Variants in PPP1R7 observed in about 807,000 individuals in gnomAD.
PPP1R7 encodes the protein protein phosphatase 1 regulatory subunit 22.
In PPP1R7, 18 loss-of-function variants were observed where a neutral mutation model predicts 45.2. The observed-to-expected ratio is 0.40, with a 90% confidence interval of 0.28 to 0.59. The LOEUF (loss-of-function observed/expected upper bound fraction) is 0.59, where lower values mean the gene tolerates loss of function less well. Among genes scored for constraint, PPP1R7 ranks in the 20% least tolerant of loss-of-function variants. PPP1R7 has a pLI of 0.46. For synonymous variants in PPP1R7, 181 were observed against 183.4 expected, an observed-to-expected ratio of 0.99 and a Z score of 0.11; for missense variants, 314 against 455.8, an observed-to-expected ratio of 0.69 and a Z score of 2.83.
chr2:241,164,044 G>A (rs1307123383), intron 7 of PPP1R7, among the ~76,000 whole-genome samples: 1 of 152,076 alleles, frequency 6.6e-6, no homozygotes, highest in Non-Finnish European at 1.5e-5. Context: ...AGCCTCCCAA[G>A]TAGCTGGGAC....
rs957421693 is a variant in PPP1R7, at chr2:241,167,292, G to A, written c.819+851G>A. On this transcript the variant is annotated intron_variant, in intron 8 of 9. Coordinates refer to ENST00000234038, the MANE Select transcript of PPP1R7 (RefSeq NM_002712.3). ...GTGCCTCAACCCCAGGGCCTAGTTG[G>A]CAGCAGTAAATTTCACCAACACCTG... The A allele has an allele frequency of 2.7e-5, 11 of 410,650 alleles. No homozygotes were observed. The South Asian group carries it at 1.2e-3, about 46-fold the overall frequency. The allele number at this position is 410,650 out of a possible 1,614,324, so 25.4% of individuals were successfully genotyped here. A position where few individuals can be genotyped will look rare whatever the true frequency, so the allele number is the denominator to read the frequency against.
At chr2:241,150,452 G>T, upstream of PPP1R7, 1 of 1,540,116 alleles carries the variant, frequency 6.5e-7, no homozygotes, top group Non-Finnish European at 8.7e-7. Flanking sequence ...GATTGGCTGA[G>T]GGGTCTGAGG....
At chr2:241,178,642 A>G (rs1411970660) in intron 9 of PPP1R7, among the ~76,000 whole-genome samples, 1 of 71,958 alleles carries the variant, frequency 1.4e-5, no homozygotes, top group Admixed American at 1.6e-4. Context: ...TTTTTTTTTT[A>G]GACGGAGTCT....
chr2:241,158,401 C>A, intron 3 of PPP1R7, 83 bp from the exon 4 acceptor site: 1 of 1,362,430 alleles, frequency 7.3e-7, no homozygotes, highest in Non-Finnish European at 1.0e-6. Context: ...CACTGCTGCC[C>A]ACTTCCAGGC....
upstream of PPP1R7, chr2:241,149,664 C>G (rs1357364600): frequency 1.9e-6 from 3 of 1,544,848 alleles, no homozygotes; most frequent in Admixed American, 1.9e-5. Context: ...CCTCCGCCCC[C>G]GGGCCGGGCA....
intron 9 of PPP1R7, 74 bp from the exon 10 acceptor site, chr2:241,182,573 G>A: frequency 6.4e-7 from 1 of 1,554,148 alleles, no homozygotes. Flanking sequence ...GGAGGAGGGT[G>A]GCTAGTGGAC....
At chr2:241,174,650 A>G (rs1324570083) in intron 9 of PPP1R7, among the ~76,000 whole-genome samples, 1 of 151,966 alleles carries the variant, frequency 6.6e-6, no homozygotes, top group African/African-American at 2.4e-5. Flanking sequence ...CTGATGTATA[A>G]AAACAATTAT....
intron 1 of PPP1R7, 84 bp downstream of exon 1, chr2:241,150,631 ACT>A: frequency 7.1e-7 from 1 of 1,402,538 alleles, no homozygotes; most frequent in Non-Finnish European, 9.3e-7. Context: ...CCTGAGAGAA[ACT>A]CCACGTCCTG....
chr2:241,162,848 A>T (rs1234654556), intron 6 of PPP1R7, among the ~76,000 whole-genome samples: 1 of 151,902 alleles, frequency 6.6e-6, no homozygotes, highest in Non-Finnish European at 1.5e-5. Flanking sequence ...ACGCCCAGCT[A>T]ATTTTTTTGT....
At chr2:241,170,236 A>C (rs2067789953) in intron 9 of PPP1R7, among the ~76,000 whole-genome samples, 1 of 152,216 alleles carries the variant, frequency 6.6e-6, no homozygotes, top group Non-Finnish European at 1.5e-5. Flanking sequence ...CATTTGACCA[A>C]ATGGTTTGCA....
upstream of PPP1R7, chr2:241,149,748 G>GA (rs975505412): frequency 1.3e-6 from 2 of 1,542,394 alleles, no homozygotes; most frequent in African/African-American, 2.7e-5. Context: ...GCCTCTTTCT[G>GA]AAGGCGGAGG....
At chr2:241,162,251 C>G (rs1024335281) in intron 6 of PPP1R7, among the ~76,000 whole-genome samples, 2 of 152,182 alleles carry the variant, frequency 1.3e-5, no homozygotes, top group Non-Finnish European at 2.9e-5. Context: ...CCAAGTCCTG[C>G]AGTGGTGTGT....
intron 9 of PPP1R7, among the ~76,000 whole-genome samples, chr2:241,174,814 AC>A (rs1288552811): frequency 6.6e-6 from 1 of 151,738 alleles, no homozygotes; most frequent in African/African-American, 2.4e-5. Flanking sequence ...AGCTGGGACT[AC>A]CGGTGCCCGC....
upstream of PPP1R7, chr2:241,150,306 T>C: frequency 1.5e-6 from 2 of 1,336,102 alleles, no homozygotes; most frequent in Non-Finnish European, 1.9e-6. Context: ...AATTACCTGC[T>C]CTGGGGGAGG....
chr2:241,177,275 G>A (rs1010016867), intron 9 of PPP1R7, among the ~76,000 whole-genome samples: 1 of 152,034 alleles, frequency 6.6e-6, no homozygotes, highest in Non-Finnish European at 1.5e-5. Context: ...AATTTAGCTG[G>A]ATGTGGTGGC....
chr2:241,151,805 G>C (rs900482217), intron 1 of PPP1R7, among the ~76,000 whole-genome samples: 1 of 152,070 alleles, frequency 6.6e-6, no homozygotes, highest in Non-Finnish European at 1.5e-5. Flanking sequence ...CCAAATCTCC[G>C]ATACGTCCTC....
At chr2:241,173,078 C>G (rs1410126531) in intron 9 of PPP1R7, among the ~76,000 whole-genome samples, 2 of 151,782 alleles carry the variant, frequency 1.3e-5, no homozygotes, top group Non-Finnish European at 2.9e-5. Context: ...TTGAGACCAA[C>G]CTGACCAACA....
chr2:241,160,841 A>G (rs572193005), intron 6 of PPP1R7, among the ~76,000 whole-genome samples: 5 of 152,340 alleles, frequency 3.3e-5, no homozygotes. Flanking sequence ...CTTCTCTGGC[A>G]TGCTTCTTCG....
In PPP1R7 at chr2:241,150,476, A is replaced by C; in HGVS notation, c.-20A>C. 6.3e-7 allele frequency: 1 copy of C among 1,576,082 alleles called. No homozygotes were observed. Among genetic ancestry groups the C allele is most frequent in the South Asian group, 1.1e-5 (1 of 88,106 alleles). On this transcript the variant is annotated 5_prime_UTR_variant, in exon 1 of 10. Transcript: ENST00000234038. ...AGGGGTCTGAGGCGACAGATTCCGG[A>C]AAGGGGAAGAGCAGCCAACATGGCG... is the stretch of plus-strand genomic sequence containing the variant.
Sources: allele counts gnomAD v4.1 joint callset (sites outside exome capture counted in the v4.1 genomes callset), GRCh38; gene constraint gnomAD v4.1.1; transcripts MANE v1.5; gene names NCBI Gene and HGNC (gene_info 2026-07-23, HGNC 2026-07-21).